PARD3B: variants seen among roughly 807,000 people sequenced by gnomAD.
PARD3B encodes the protein par-3 family cell polarity regulator beta.
A neutral mutation model predicts 130.2 loss-of-function variants in PARD3B; 103 were observed. The ratio of observed to expected loss-of-function variants is 0.79; its 90% confidence interval spans 0.67 to 0.93. The LOEUF (loss-of-function observed/expected upper bound fraction) is 0.93. Among genes scored for constraint, PARD3B ranks in the 40% least tolerant of loss-of-function variants. The pLI, the probability that PARD3B is intolerant of heterozygous loss-of-function variation, is 0.00. For missense variants in PARD3B, 1,609 were observed against 1,499.2 expected (o/e 1.07, Z -1.21); for synonymous variants, 583 against 553.2 (o/e 1.05, Z -0.76).
rs2040193115 is a variant in PARD3B, at chr2:205,258,803, C to T, written c.2185+12981C>T. 6.6e-6 allele frequency among the ~76,000 whole-genome samples: 1 copy of T among 152,180 alleles called. No individual in the cohort carries two copies. The highest frequency in any genetic ancestry group is 1.5e-5 in the Non-Finnish European group (1 of 68,036). ...AACCTGAATTGTAACTGGGGTTTAA[C>T]ACATTTACATTTATTGCAATTACTA... On this transcript the variant is annotated intron_variant, in intron 16 of 22. Transcript: ENST00000406610. This position sits in a 1 kb window ranked among gnomAD's most constrained non-coding sequence, Gnocchi z 4.9.
intron 18 of PARD3B, among the ~76,000 whole-genome samples, chr2:205,388,224 G>A (rs952923054): frequency 6.6e-6 from 1 of 152,086 alleles, no homozygotes; most frequent in Non-Finnish European, 1.5e-5. Flanking sequence ...GGTTTCTTTT[G>A]TTATTCTGTG....
At chr2:204,933,146 C>T (rs1231911566) in intron 2 of PARD3B, among the ~76,000 whole-genome samples, 6 of 152,086 alleles carry the variant, frequency 3.9e-5, no homozygotes, top group Admixed American at 1.3e-4. Context: ...CTGTTTTCAT[C>T]GTTAGAATTA....
intron 2 of PARD3B, among the ~76,000 whole-genome samples, chr2:204,831,588 G>C (rs1322208660): frequency 6.6e-6 from 1 of 152,160 alleles, no homozygotes; most frequent in African/African-American, 2.4e-5. Context: ...TACAGTTAGA[G>C]AGAAACAGAA....
At chr2:205,491,636 T>TTAG (rs1347938341) in intron 20 of PARD3B, among the ~76,000 whole-genome samples, 1 of 152,176 alleles carries the variant, frequency 6.6e-6, no homozygotes, top group Non-Finnish European at 1.5e-5. Context: ...TCCACCACTA[T>TTAG]GGCTTGATTC....
intron 18 of PARD3B, among the ~76,000 whole-genome samples, chr2:205,334,646 C>T (rs1020004052): frequency 2.6e-5 from 4 of 152,174 alleles, no homozygotes; most frequent in African/African-American, 9.7e-5. Flanking sequence ...TACAATGTTT[C>T]TTTCTCTATG....
chr2:205,494,668 T>C lies in PARD3B; in HGVS notation c.3045-5228T>C, dbSNP rs544358943. ...AAAAGAATATCAAAAGGTACGGCTA[T>C]AAATGTGCTCTGCTAAATTCCCTCT... is the stretch of plus-strand genomic sequence containing the variant. On this transcript the variant is annotated intron_variant, in intron 20 of 22. Transcript: ENST00000406610. 2.6e-5 allele frequency among the ~76,000 whole-genome samples: 4 copies of C among 152,330 alleles called. No individual in the cohort carries two copies. In the South Asian group the frequency reaches 8.3e-4, roughly 32 times the overall value.
At chr2:205,423,266 A>G (rs1389796381) in intron 19 of PARD3B, among the ~76,000 whole-genome samples, 1 of 152,186 alleles carries the variant, frequency 6.6e-6, no homozygotes, top group Admixed American at 6.5e-5. Flanking sequence ...GGAAGACCAG[A>G]TGATGAGGAT....
chr2:205,310,735 T>TG (rs1451923393), intron 18 of PARD3B, among the ~76,000 whole-genome samples: 8 of 138,412 alleles, frequency 5.8e-5, no homozygotes, highest in Non-Finnish European at 1.2e-4. Flanking sequence ...TTTTTTTTTT[T>TG]TTTTTTGAGA....
chr2:205,296,780 G>A (rs951274887), intron 16 of PARD3B, among the ~76,000 whole-genome samples: 14 of 151,200 alleles, frequency 9.3e-5, no homozygotes, highest in African/African-American at 9.7e-5. Context: ...CAGAAGACAT[G>A]ACCCTGAAAT....
At chr2:205,551,180 A>G (rs1188562170) in intron 21 of PARD3B, among the ~76,000 whole-genome samples, 2 of 151,686 alleles carry the variant, frequency 1.3e-5, no homozygotes, top group Non-Finnish European at 2.9e-5. Flanking sequence ...GAGCTATACT[A>G]TGGATACATA....
At chr2:204,761,748 G>A (rs1463423588) in intron 2 of PARD3B, among the ~76,000 whole-genome samples, 2 of 152,074 alleles carry the variant, frequency 1.3e-5, no homozygotes, top group African/African-American at 2.4e-5. Context: ...TTTATGTTAA[G>A]AGAAGAAATT....
chr2:205,452,023 C>T (rs1194942565), intron 20 of PARD3B, among the ~76,000 whole-genome samples: 1 of 152,142 alleles, frequency 6.6e-6, no homozygotes, highest in East Asian at 1.9e-4. Flanking sequence ...TCCTAATTTT[C>T]ATGACCACTG....
intron 15 of PARD3B, among the ~76,000 whole-genome samples, chr2:205,235,944 G>A (rs921840620): frequency 5.9e-5 from 9 of 152,132 alleles, no homozygotes; most frequent in African/African-American, 1.9e-4. Context: ...TTCTTATAAA[G>A]TCAATAAACC....
intron 1 of PARD3B, among the ~76,000 whole-genome samples, chr2:204,582,531 G>A (rs575373742): frequency 2.0e-5 from 3 of 152,058 alleles, no homozygotes; most frequent in East Asian, 3.9e-4. Flanking sequence ...ACTATTAAAA[G>A]AGTGACACCC....
chr2:205,391,872 CT>C (rs1268411399), intron 18 of PARD3B, among the ~76,000 whole-genome samples: 4 of 151,956 alleles, frequency 2.6e-5, no homozygotes, highest in South Asian at 4.2e-4. Flanking sequence ...TTTTTTCCCC[CT>C]AACAGAGTGC....
chr2:204,633,368 A>G lies in PARD3B; in HGVS notation c.121-52813A>G, dbSNP rs539056684. 8.5e-5 allele frequency among the ~76,000 whole-genome samples: 13 copies of G among 152,314 alleles called. No individual in the cohort carries two copies. In the South Asian group the frequency reaches 2.5e-3, roughly 29 times the overall value. Reference sequence around the variant, plus strand: ...TATTTTGAAGCAAACCTCAGATGTCACATTTCATTCATAAATATTTCTGTA... The same window carrying G: ...TATTTTGAAGCAAACCTCAGATGTCGCATTTCATTCATAAATATTTCTGTA... On this transcript the variant is annotated intron_variant, in intron 1 of 22. Coordinates refer to ENST00000406610, the MANE Select transcript of PARD3B (RefSeq NM_001302769.2).
intron 2 of PARD3B, among the ~76,000 whole-genome samples, chr2:204,797,765 T>C (rs780254369): frequency 1.3e-5 from 2 of 152,220 alleles, no homozygotes; most frequent in Non-Finnish European, 2.9e-5. Context: ...TTAGTGCTTC[T>C]ACAACAGAAG....
intron 2 of PARD3B, among the ~76,000 whole-genome samples, chr2:204,930,225 C>G (rs1018661181): frequency 1.8e-4 from 27 of 149,724 alleles, no homozygotes; most frequent in Admixed American, 1.7e-3. Context: ...TTTTCATTTT[C>G]TATCTAACAT....
intron 18 of PARD3B, among the ~76,000 whole-genome samples, chr2:205,363,988 A>G (rs1382252386): frequency 3.3e-5 from 5 of 151,394 alleles, no homozygotes; most frequent in Non-Finnish European, 1.5e-5. Context: ...TTTTCCTCCC[A>G]TCTCCCATGT....
Sources: allele counts gnomAD v4.1 joint callset (sites outside exome capture counted in the v4.1 genomes callset), GRCh38; gene constraint gnomAD v4.1.1; non-coding constraint Gnocchi (gnomAD v3.1); transcripts MANE v1.5; gene names NCBI Gene and HGNC (gene_info 2026-07-23, HGNC 2026-07-21).